SLC44A1: variants seen among roughly 807,000 people sequenced by gnomAD.
SLC44A1 encodes choline transporter-like protein 1.
In SLC44A1, 26 loss-of-function variants were observed where a neutral mutation model predicts 79.3. That is an observed-to-expected ratio of 0.33 (90% CI 0.24 to 0.46). The LOEUF (loss-of-function observed/expected upper bound fraction) is 0.46, where lower values mean the gene tolerates loss of function less well. Ranked by LOEUF, SLC44A1 falls within the 20% of genes least tolerant of loss-of-function variation. SLC44A1 has a pLI of 1.00. For synonymous variants in SLC44A1, 263 were observed against 286.2 expected (o/e 0.92, Z 0.82); for missense variants, 688 against 798.1 (o/e 0.86, Z 1.66).
chr9:105,287,029 G>A (rs552479852), intron 1 of SLC44A1, among the ~76,000 whole-genome samples: 1 of 152,294 alleles, frequency 6.6e-6, no homozygotes, highest in Admixed American at 6.5e-5. Context: ...GACAAGGAAG[G>A]TAAATTAGCA....
intron 6 of SLC44A1, chr9:105,357,128 G>A (rs1827646207): frequency 6.6e-6 from 1 of 152,174 alleles, no homozygotes; most frequent in Non-Finnish European, 1.5e-5. Flanking sequence ...CCTGTCATTA[G>A]AGAGTATTTT....
At chr9:105,303,133 C>T (rs920863942) in intron 2 of SLC44A1, among the ~76,000 whole-genome samples, 2 of 152,054 alleles carry the variant, frequency 1.3e-5, no homozygotes, top group African/African-American at 2.4e-5. Flanking sequence ...TTCTCAACCA[C>T]GGTTTCTGTA....
At chr9:105,264,094 C>T (rs1347974148) in intron 1 of SLC44A1, among the ~76,000 whole-genome samples, 2 of 152,160 alleles carry the variant, frequency 1.3e-5, no homozygotes, top group East Asian at 3.9e-4. Context: ...CCCTGTGCAC[C>T]TACTTCGGGT....
rs546169412 is a variant in SLC44A1 at position 105,408,886 on chromosome 9, G to A, written c.1950+23384G>A. 5.9e-5 allele frequency among the ~76,000 whole-genome samples: 9 copies of A among 152,152 alleles called. 1 individual carries two copies. Among genetic ancestry groups the A allele is most frequent in the South Asian group, 2.1e-4 (1 of 4,812 alleles). Reference sequence around the variant, plus strand: ...TTTGTACATTATTTAAGCTAAATTGGTATTAATTCAAACTAAATTATTATA... The same window carrying A: ...TTTGTACATTATTTAAGCTAAATTGATATTAATTCAAACTAAATTATTATA... On this transcript the variant is annotated intron_variant, in intron 15 of 15. Coordinates refer to the SLC44A1 transcript ENST00000374724.
At chr9:105,359,880 A>G (rs1158370969) in intron 7 of SLC44A1, among the ~76,000 whole-genome samples, 2 of 152,194 alleles carry the variant, frequency 1.3e-5, no homozygotes, top group African/African-American at 4.8e-5. Context: ...TTTGCCAACA[A>G]ATAGGTAATG....
chr9:105,327,842 T>TC (rs1321387076), intron 3 of SLC44A1, among the ~76,000 whole-genome samples: 1 of 152,196 alleles, frequency 6.6e-6, no homozygotes, highest in Non-Finnish European at 1.5e-5. Context: ...AATCCTGTTT[T>TC]CCCTGCTCTA....
chr9:105,364,439 A>G (rs1179171018), intron 9 of SLC44A1, 116 bp from the exon 10 acceptor site: 2 of 770,926 alleles, frequency 2.6e-6, no homozygotes, highest in Non-Finnish European at 4.2e-6. Flanking sequence ...ATGAAATACC[A>G]CACAGATCAG....
intron 7 of SLC44A1, among the ~76,000 whole-genome samples, chr9:105,360,630 G>A (rs1827751510): frequency 6.6e-6 from 1 of 152,178 alleles, no homozygotes; most frequent in Admixed American, 6.5e-5. Flanking sequence ...CTTATCCCTA[G>A]CACCCACCAC....
intron 1 of SLC44A1, among the ~76,000 whole-genome samples, chr9:105,260,549 CTTT>C (rs941872097): frequency 6.6e-6 from 1 of 152,200 alleles, no homozygotes; most frequent in Non-Finnish European, 1.5e-5. Flanking sequence ...TCATGTTCTT[CTTT>C]AAGATATTGG....
chr9:105,376,476 C>T (rs1487913233), intron 13 of SLC44A1, among the ~76,000 whole-genome samples: 1 of 151,722 alleles, frequency 6.6e-6, no homozygotes, highest in African/African-American at 2.4e-5. Flanking sequence ...TGGGTTTAAG[C>T]GATTCTCCTG....
intron 1 of SLC44A1, among the ~76,000 whole-genome samples, chr9:105,248,044 GC>G (rs1422933234): frequency 1.3e-5 from 2 of 152,174 alleles, no homozygotes; most frequent in Non-Finnish European, 2.9e-5. Context: ...TGGAGCAGTG[GC>G]TACAACATCT....
intron 2 of SLC44A1, among the ~76,000 whole-genome samples, chr9:105,301,302 C>G (rs1001558069): frequency 6.6e-6 from 1 of 152,158 alleles, no homozygotes; most frequent in Non-Finnish European, 1.5e-5. Context: ...TTTACTGAAA[C>G]ATTTTAATGC....
chr9:105,373,532 G>A (rs1828180236), intron 12 of SLC44A1, among the ~76,000 whole-genome samples: 2 of 152,154 alleles, frequency 1.3e-5, no homozygotes, highest in African/African-American at 4.8e-5. Flanking sequence ...GGAACAGAAG[G>A]CTCAGCTCAA....
At chr9:105,335,799 A>C in intron 4 of SLC44A1, 100 bp downstream of exon 4, 1 of 1,111,514 alleles carries the variant, frequency 9.0e-7, no homozygotes, top group Non-Finnish European at 1.3e-6. Context: ...GGAACCTTAG[A>C]TAATTGAAGT....
intron 1 of SLC44A1, among the ~76,000 whole-genome samples, chr9:105,268,564 C>T (rs1408531907): frequency 1.3e-5 from 2 of 151,820 alleles, no homozygotes; most frequent in African/African-American, 2.4e-5. Flanking sequence ...AATGCAGTGG[C>T]GCGATCTCTG....
At position 105,390,444 on chromosome 9, in the gene SLC44A1, A is replaced by AAT. The variant is rs1486739991; in HGVS notation, c.*1389_*1390insTA. ...CAGGCTCTGTACAAAAAAAAAAAAA[A>AAT]AAAAAAAGCCTCAGCATTTTATCAT... On this transcript the variant is annotated 3_prime_UTR_variant, in exon 16 of 16. Transcript: ENST00000374720. 1 of 983,562 alleles carries AAT rather than the reference A, an allele frequency of 1.0e-6. No individual in the cohort carries two copies. Among genetic ancestry groups the AAT allele is most frequent in the African/African-American group, 1.7e-5 (1 of 57,172 alleles). The allele number at this position is 983,562 out of a possible 1,614,324, so 60.9% of individuals were successfully genotyped here. A position where few individuals can be genotyped will look rare whatever the true frequency, so the allele number is the denominator to read the frequency against.
chr9:105,322,434 T>G (rs1464272479), intron 3 of SLC44A1, among the ~76,000 whole-genome samples: 2 of 152,224 alleles, frequency 1.3e-5, no homozygotes, highest in Admixed American at 6.5e-5. Flanking sequence ...TTTTAAATGT[T>G]GGCAGTTAGC....
Position 105,249,513 on chromosome 9 carries a change from G to A in SLC44A1, c.36+4609G>A, listed in dbSNP as rs142671727. Among the ~76,000 whole-genome samples, 61 of 149,272 alleles carry A rather than the reference G, an allele frequency of 4.1e-4. No individual in the cohort carries two copies. The East Asian group carries it at 0.011, about 27-fold the overall frequency. ...GTTAATTTCGAAATTGGAAAATAATGTAGAAATGGTAATTTTTTTTTTTTT... is the reference window on the plus strand; with the variant it reads ...GTTAATTTCGAAATTGGAAAATAATATAGAAATGGTAATTTTTTTTTTTTT... On this transcript the variant is annotated intron_variant, in intron 1 of 15. Coordinates refer to ENST00000374720, the MANE Select transcript of SLC44A1 (RefSeq NM_080546.5).
At chr9:105,289,279 C>T (rs557875342) in intron 1 of SLC44A1, among the ~76,000 whole-genome samples, 3 of 152,150 alleles carry the variant, frequency 2.0e-5, no homozygotes, top group East Asian at 1.9e-4. Flanking sequence ...CCCAAGTAGA[C>T]GATAAAGTGG....
Sources: allele counts gnomAD v4.1 joint callset (sites outside exome capture counted in the v4.1 genomes callset), GRCh38; gene constraint gnomAD v4.1.1; transcripts MANE v1.5; gene names NCBI Gene and HGNC (gene_info 2026-07-23, HGNC 2026-07-21).